COL1A2: variants seen among roughly 807,000 people sequenced by gnomAD.
The protein encoded by COL1A2 is collagen type I alpha 2 chain.
In COL1A2, 49 loss-of-function variants were observed where a neutral mutation model predicts 174.3. The ratio of observed to expected loss-of-function variants is 0.28; its 90% confidence interval spans 0.22 to 0.36. The LOEUF (loss-of-function observed/expected upper bound fraction) is 0.36. COL1A2 is among the 10% of genes least tolerant of loss of function. COL1A2 has a pLI of 1.00. For synonymous variants in COL1A2, 655 were observed against 606.6 expected (o/e 1.08, Z -1.17); for missense variants, 1,438 against 1,822.7 (o/e 0.79, Z 3.84).
chr7:94,400,440 G>A (rs537712245), intron 5 of COL1A2, 152 bp downstream of exon 5: 25 of 770,436 alleles, frequency 3.2e-5, no homozygotes, highest in African/African-American at 2.9e-4. Flanking sequence ...TCAAGATTCT[G>A]CTTTACCCAT....
intron 11 of COL1A2, 67 bp from the exon 12 acceptor site, chr7:94,406,183 C>T (rs182279819): frequency 2.0e-6 from 3 of 1,509,630 alleles, no homozygotes; most frequent in East Asian, 4.5e-5. Flanking sequence ...CAAAGATATA[C>T]AATACAATTT....
At chr7:94,419,612 C>T in intron 34 of COL1A2, 61 bp downstream of exon 34, 1 of 1,567,466 alleles carries the variant, frequency 6.4e-7, no homozygotes, top group Non-Finnish European at 8.8e-7. Context: ...TTCCCTAGTC[C>T]CAAAGAGCCC....
chr7:94,395,497 G>T (rs1791564764), intron 1 of COL1A2: 2 of 340,572 alleles, frequency 5.9e-6, no homozygotes, highest in Non-Finnish European at 5.7e-6. Flanking sequence ...AAAACTTGAG[G>T]CCTGCGTTAG....
chr7:94,405,621 C>A (rs1412527597), intron 10 of COL1A2, 52 bp from the exon 11 acceptor site: 1 of 1,507,184 alleles, frequency 6.6e-7, no homozygotes, highest in Non-Finnish European at 9.2e-7. Flanking sequence ...AAGTCACTGT[C>A]TTTTTATTTA....
chr7:94,421,963 C>T lies in COL1A2; in HGVS notation c.2403+11C>T, dbSNP rs754417165. ...CCCCCAGGACCCTCTGTAAGTAAAT[C>T]ACTGTAAACGTGTCTTCATTTACTC... On this transcript the variant is annotated intron_variant, in intron 39 of 51. Coordinates refer to ENST00000297268, the MANE Select transcript of COL1A2 (RefSeq NM_000089.4). The T allele has an allele frequency of 1.9e-6, 3 of 1,613,450 alleles. No homozygotes were observed. The highest frequency in any genetic ancestry group is 2.2e-5 in the South Asian group (2 of 91,056).
Position 94,410,223 on chromosome 7 carries a change from G to C in COL1A2, c.1036-19G>C, listed in dbSNP as rs1791891358. Reference sequence around the variant, plus strand: ...AACAAATGTTTGTCCTTTGACCACTGTTCTGTATTGAACCCTAGGGTGAGC... The same window carrying C: ...AACAAATGTTTGTCCTTTGACCACTCTTCTGTATTGAACCCTAGGGTGAGC... On this transcript the variant is annotated intron_variant, in intron 19 of 51. Coordinates refer to ENST00000297268, the MANE Select transcript of COL1A2 (RefSeq NM_000089.4). The C allele has an allele frequency of 2.5e-6, 4 of 1,613,076 alleles. No individual in the cohort carries two copies. The highest frequency in any genetic ancestry group is 1.7e-6 in the Non-Finnish European group (2 of 1,179,744).
chr7:94,420,919 A>T, intron 37 of COL1A2, 90 bp from the exon 38 acceptor site: 1 of 1,272,368 alleles, frequency 7.9e-7, no homozygotes, highest in East Asian at 2.3e-5. Context: ...ATTTTCTTCT[A>T]AGAGATGCGG....
rs1201311902 is a variant in COL1A2 at position 94,431,165 on chromosome 7, T to C, written c.*772T>C. 2.0e-5 allele frequency: 3 copies of C among 152,638 alleles called. No individual in the cohort carries two copies. The highest frequency in any genetic ancestry group is 4.4e-5 in the Non-Finnish European group (3 of 68,044). 9.5% of individuals were successfully genotyped at this position (152,638 alleles called of 1,614,324 possible). On this transcript the variant is annotated 3_prime_UTR_variant, in exon 52 of 52. Transcript: ENST00000297268. ...AATTAAATTGTACCTATTTTGTATA[T>C]GTGAGATGTTTAAATAAATTGTGAA...
chr7:94,405,135 A>G (rs1002321060), intron 9 of COL1A2, 64 bp from the exon 10 acceptor site: 4 of 1,548,376 alleles, frequency 2.6e-6, no homozygotes, highest in Non-Finnish European at 3.6e-6. Context: ...AAAAACCAAG[A>G]TTCCCCCATT....
intron 6 of COL1A2, 50 bp from the exon 7 acceptor site, chr7:94,404,506 C>A: frequency 6.2e-7 from 1 of 1,600,128 alleles, no homozygotes; most frequent in Non-Finnish European, 8.6e-7. Flanking sequence ...CCAGCCAACA[C>A]CATGACAACT....
chr7:94,429,679 T>C, intron 51 of COL1A2: 1 of 469,992 alleles, frequency 2.1e-6, no homozygotes. Flanking sequence ...TCTGAAATGC[T>C]GAAATGTATA....
intron 30 of COL1A2, 77 bp downstream of exon 30, chr7:94,415,347 A>G: frequency 8.1e-7 from 1 of 1,228,038 alleles, no homozygotes; most frequent in Non-Finnish European, 1.2e-6. Context: ...CCTTAAAGCC[A>G]CTGATGACCC....
At chr7:94,428,578 TA>T (rs1792335593) in intron 50 of COL1A2, 101 bp downstream of exon 50, 5 of 1,166,616 alleles carry the variant, frequency 4.3e-6, no homozygotes, top group Non-Finnish European at 6.2e-6. Context: ...ATGGGCTTAT[TA>T]AAAAAAGACC....
intron 42 of COL1A2, 144 bp from the exon 43 acceptor site, chr7:94,425,465 GC>G: frequency 6.5e-6 from 6 of 924,194 alleles, no homozygotes; most frequent in Non-Finnish European, 8.6e-6. Flanking sequence ...ATCTAGGTTG[GC>G]AGGTTTTTAT....
At position 94,419,500 on chromosome 7, in the gene COL1A2, T is replaced by A. The variant is rs763216328; in HGVS notation, c.2028T>A (p.Gly676=). The A allele has an allele frequency of 6.2e-7, 1 of 1,614,096 alleles. No individual in the cohort carries two copies. Among genetic ancestry groups the A allele is most frequent in the African/African-American group, 1.3e-5 (1 of 75,014 alleles). ...IGNPGRDGAR[G]APGAVGAPGP... Reference sequence around the variant, plus strand: ...ACATGTTTCCTTTTTGGTACTAGGGTGCTCCTGGTGCTGTAGGTGCCCCTG... The same window carrying A: ...ACATGTTTCCTTTTTGGTACTAGGGAGCTCCTGGTGCTGTAGGTGCCCCTG... Residue 676 remains glycine, a splice_region_variant and synonymous_variant, in exon 34 of 52, where the codon GGT becomes GGA. Coordinates refer to ENST00000297268, the MANE Select transcript of COL1A2 (RefSeq NM_000089.4).
intron 4 of COL1A2, chr7:94,399,954 TG>T: frequency 1.7e-6 from 1 of 597,432 alleles, no homozygotes; most frequent in Non-Finnish European, 3.0e-6. Context: ...AGCTTCAGTA[TG>T]AATTAATATT....
chr7:94,413,259 T>C, intron 26 of COL1A2, 123 bp downstream of exon 26: 1 of 993,792 alleles, frequency 1.0e-6, no homozygotes, highest in Non-Finnish European at 1.6e-6. Context: ...CCAGGGGTCC[T>C]TTTACTATCA....
chr7:94,427,016 T>G lies in COL1A2; in HGVS notation c.3114T>G (p.His1038Gln). ...CTCTTCTGTCTTTAAAGGGTCACCA[T>G]GGTGATCAAGGTGCTCCTGGCTCCG... is the stretch of plus-strand genomic sequence containing the variant. ...LQGLPGIAGHHGDQGAPGSVG... is the reference protein window; with the variant it reads ...LQGLPGIAGHQGDQGAPGSVG... The change falls in exon 47 of 52, where the codon CAT becomes CAG. Residue 1038 changes from histidine to glutamine, a missense_variant. Coordinates refer to ENST00000297268, the MANE Select transcript of COL1A2 (RefSeq NM_000089.4). 2 of 1,613,880 alleles carry G rather than the reference T, an allele frequency of 1.2e-6. No individual in the cohort carries two copies. Among genetic ancestry groups the G allele is most frequent in the Non-Finnish European group, 1.7e-6 (2 of 1,179,894 alleles).
At chr7:94,424,218 A>T (rs1792227504) in intron 40 of COL1A2, 118 bp from the exon 41 acceptor site, 1 of 799,958 alleles carries the variant, frequency 1.3e-6, no homozygotes, top group Non-Finnish European at 2.2e-6. Context: ...TGTCCTAGTA[A>T]TAGGAGGTCA....
Sources: gnomAD v4.1 joint callset for allele counts on GRCh38, gnomAD v4.1.1 for gene constraint, MANE v1.5 for transcripts, NCBI Gene and HGNC (gene_info 2026-07-23, HGNC 2026-07-21) for gene names.